IFT80: variants seen among roughly 807,000 people sequenced by gnomAD.
The protein encoded by IFT80 is intraflagellar transport protein 80 homolog.
IFT80 carries 79 observed loss-of-function variants against 107.9 expected under a neutral mutation model. The observed-to-expected ratio is 0.73, with a 90% CI of 0.61 to 0.88. The LOEUF is 0.88. Among genes scored for constraint, IFT80 ranks in the 40% least tolerant of loss-of-function variants. The pLI, the probability that IFT80 is intolerant of heterozygous loss-of-function variation, is 0.00. For missense variants in IFT80, 797 were observed against 914.2 expected (o/e 0.87, Z 1.65); for synonymous variants, 299 against 300.9 (o/e 0.99, Z 0.07).
rs771512987 is a variant in IFT80 at position 160,377,499 on chromosome 3, T to C, written c.301A>G (p.Ser101Gly). 6.2e-7 allele frequency: 1 copy of C among 1,608,966 alleles called. No homozygotes were observed. The highest frequency in any genetic ancestry group is 1.7e-5 in the Admixed American group (1 of 59,684). The change falls in exon 4 of 20, where the codon AGT becomes GGT. Residue 101 changes from serine to glycine, a missense_variant. Physicochemically the swap from Ser to Gly is moderately conservative, Grantham distance 56 (BLOSUM62 0). Coordinates refer to ENST00000326448, the MANE Select transcript of IFT80 (RefSeq NM_020800.3). ...LISKLGRVEK[S>G]VEAHCGAVLA... ...ACTGCTCCACAGTGAGCTTCTACAC[T>C]TTTTTCCACTCTTCCTAACTTGGAA...
At chr3:160,279,804 C>T (rs1467345925) in intron 15 of IFT80, among the ~76,000 whole-genome samples, 1 of 152,112 alleles carries the variant, frequency 6.6e-6, no homozygotes, top group African/African-American at 2.4e-5. Flanking sequence ...GTGAGCCAGG[C>T]ACAGTGGCTC....
intron 19 of IFT80, among the ~76,000 whole-genome samples, chr3:160,263,993 C>T (rs1405789336): frequency 1.3e-4 from 19 of 151,928 alleles, no homozygotes; most frequent in Admixed American, 9.8e-4. Flanking sequence ...ATAGAGACAA[C>T]GTCTCACTAT....
chr3:160,330,298 T>C (rs775231828), intron 8 of IFT80, among the ~76,000 whole-genome samples: 20 of 152,170 alleles, frequency 1.3e-4, no homozygotes, highest in Non-Finnish European at 2.8e-4. Flanking sequence ...TAAAGAGCCA[T>C]TGTTTCAAGA....
chr3:160,360,141 CA>C (rs1721387864), intron 6 of IFT80, among the ~76,000 whole-genome samples: 2 of 152,146 alleles, frequency 1.3e-5, no homozygotes, highest in Non-Finnish European at 2.9e-5. Context: ...CTAGAATAAA[CA>C]GCGTAGAGAA....
intron 8 of IFT80, among the ~76,000 whole-genome samples, chr3:160,344,118 C>A (rs1239234198): frequency 6.6e-6 from 1 of 152,170 alleles, no homozygotes; most frequent in African/African-American, 2.4e-5. Flanking sequence ...AATGGCATAA[C>A]ATTGTAATTT....
At position 160,399,208 on chromosome 3, in the gene IFT80, G is replaced by T. The variant is rs889166650; in HGVS notation, c.-109C>A. ...TACCTGGTACCTCCCCGTCACCATAGTGACTTCTAAGAGTTACGCTCCCTT... is the reference window on the plus strand; with the variant it reads ...TACCTGGTACCTCCCCGTCACCATATTGACTTCTAAGAGTTACGCTCCCTT... On this transcript the variant is annotated 5_prime_UTR_variant, in exon 1 of 20. Coordinates refer to ENST00000326448, the MANE Select transcript of IFT80 (RefSeq NM_020800.3). 6 of 152,174 alleles carry T rather than the reference G, an allele frequency of 3.9e-5. No individual in the cohort carries two copies. 9.4% of individuals were successfully genotyped at this position (152,174 alleles called of 1,614,324 possible).
rs1430048920 is a variant in IFT80 at position 160,304,506 on chromosome 3, G to A, written c.1077-517C>T. Reference sequence around the variant, plus strand: ...GCTGGAGTCCAGTGGCACAATCTCGGCTCACTGCAAGCTCCTCTTCCCAGG... The same window carrying A: ...GCTGGAGTCCAGTGGCACAATCTCGACTCACTGCAAGCTCCTCTTCCCAGG... On this transcript the variant is annotated intron_variant, in intron 10 of 19. Transcript: ENST00000326448. Among the ~76,000 whole-genome samples the A allele has an allele frequency of 2.0e-5, 3 of 150,480 alleles. No individual in the cohort carries two copies. In the East Asian group the frequency reaches 5.8e-4, roughly 29 times the overall value.
chr3:160,280,145 TCTC>T (rs998798087), intron 15 of IFT80, among the ~76,000 whole-genome samples: 2 of 152,282 alleles, frequency 1.3e-5, no homozygotes, highest in Admixed American at 6.5e-5. Flanking sequence ...GAATAAGAGA[TCTC>T]CTTGCTATTT....
intron 9 of IFT80, among the ~76,000 whole-genome samples, chr3:160,314,670 C>T (rs937293772): frequency 6.6e-6 from 1 of 152,066 alleles, no homozygotes; most frequent in Non-Finnish European, 1.5e-5. Flanking sequence ...AAAACAATTG[C>T]GATTGTTTAG....
chr3:160,365,669 CACTA>C (rs1576877122), intron 6 of IFT80, among the ~76,000 whole-genome samples: 2 of 152,060 alleles, frequency 1.3e-5, no homozygotes, highest in South Asian at 4.1e-4. Context: ...ATATTAGTGT[CACTA>C]ACTAAGAGAT....
chr3:160,356,125 A>T lies in IFT80; in HGVS notation c.665T>A (p.Leu222Gln), dbSNP rs765563697. The T allele has an allele frequency of 6.2e-7, 1 of 1,614,202 alleles. No homozygotes were observed. The highest frequency in any genetic ancestry group is 1.1e-5 in the South Asian group (1 of 91,090). ...ATGCTCATGAGGTTGTGAATTGTAC[A>T]GTGGGCGGCCGTAACTATCCCATAC... ...YKVWDSYGRP[L>Q]YNSQPHEHPI... Residue 222 changes from leucine (L) to glutamine (Q), a missense_variant, in exon 8 of 20, where the codon CTG becomes CAG. Physicochemically the swap from Leu to Gln is moderately radical, Grantham distance 113. Transcript: ENST00000326448.
rs551877529 is a variant in IFT80, at chr3:160,319,121, T to C, written c.957+639A>G. Among the ~76,000 whole-genome samples, 4 of 152,220 alleles carry C rather than the reference T, an allele frequency of 2.6e-5. No homozygotes were observed. In the South Asian group the frequency reaches 8.3e-4, roughly 31 times the overall value. Reference sequence around the variant, plus strand: ...ACAGCCTTAACTGTTTCTTCAGGTCTACATTTCCTCAGGAAGGCTCCAGTG... The same window carrying C: ...ACAGCCTTAACTGTTTCTTCAGGTCCACATTTCCTCAGGAAGGCTCCAGTG... On this transcript the variant is annotated intron_variant, in intron 9 of 19. Transcript: ENST00000326448.
chr3:160,273,940 GAGGA>G (rs1714025760), intron 18 of IFT80, among the ~76,000 whole-genome samples: 1 of 152,158 alleles, frequency 6.6e-6, no homozygotes, highest in African/African-American at 2.4e-5. Flanking sequence ...AAGAAGAATG[GAGGA>G]GCACCCAGAA....
At chr3:160,384,869 G>A (rs1175319164) in intron 1 of IFT80, among the ~76,000 whole-genome samples, 1 of 152,152 alleles carries the variant, frequency 6.6e-6, no homozygotes, top group African/African-American at 2.4e-5. Context: ...AAACCTGCCT[G>A]AGACAGATCT....
At position 160,336,764 on chromosome 3, in the gene IFT80, T is replaced by C. The variant is rs79985392; in HGVS notation, c.778-16825A>G. Among the ~76,000 whole-genome samples the C allele has an allele frequency of 4.6e-3, 701 of 152,278 alleles. 5 individuals carry two copies. The highest frequency in any genetic ancestry group is 0.016 in the African/African-American group (653 of 41,560). ...TATCTGTGCCTTTCAAACAGTCTTA[T>C]TGTAGATGGTCTGTTCTATTTGCTC... On this transcript the variant is annotated intron_variant, in intron 8 of 19. Transcript: ENST00000326448.
chr3:160,287,051 C>T (rs1235309739), intron 12 of IFT80, among the ~76,000 whole-genome samples: 3 of 151,974 alleles, frequency 2.0e-5, no homozygotes, highest in Non-Finnish European at 4.4e-5. Context: ...ATCATGTGGG[C>T]AATGATTTAA....
intron 1 of IFT80, among the ~76,000 whole-genome samples, chr3:160,389,265 C>T (rs1010318416): frequency 2.4e-4 from 36 of 152,090 alleles, no homozygotes; most frequent in African/African-American, 8.2e-4. Context: ...TAATGATTTT[C>T]AGTCATCTAC....
At chr3:160,278,378 C>A (rs1714432494) in intron 16 of IFT80, among the ~76,000 whole-genome samples, 1 of 152,214 alleles carries the variant, frequency 6.6e-6, no homozygotes, top group Admixed American at 6.5e-5. Flanking sequence ...TAGGGTGGGG[C>A]AACCAGCCTT....
In IFT80 at chr3:160,356,058, A is replaced by C. The variant is rs1721065125; in HGVS notation, c.732T>G (p.Phe244Leu). 1 of 1,614,170 alleles carries C rather than the reference A, an allele frequency of 6.2e-7. No individual in the cohort carries two copies. The highest frequency in any genetic ancestry group is 8.5e-7 in the Non-Finnish European group (1 of 1,179,996). ...SVAWAPDGELFAVGSFHTLRL... is the reference protein window; with the variant it reads ...SVAWAPDGELLAVGSFHTLRL... ...GTAAAGTATGAAACGATCCAACAGC[A>C]AATAATTCTCCATCTGGAGCCCAGG... is the stretch of plus-strand genomic sequence containing the variant. The change falls in exon 8 of 20, where the codon TTT (phenylalanine) becomes TTG (leucine). Residue 244 changes from phenylalanine (F) to leucine (L), a missense_variant. Coordinates refer to ENST00000326448, the MANE Select transcript of IFT80 (RefSeq NM_020800.3).
Sources: allele counts gnomAD v4.1 joint callset (sites outside exome capture counted in the v4.1 genomes callset), GRCh38; gene constraint gnomAD v4.1.1; transcripts MANE v1.5; gene names NCBI Gene and HGNC (gene_info 2026-07-23, HGNC 2026-07-21).